DCP1A: variants seen among roughly 807,000 people sequenced by gnomAD.
DCP1A encodes the protein mRNA-decapping enzyme 1A.
In DCP1A, 20 loss-of-function variants were observed where a neutral mutation model predicts 58.0. The ratio of observed to expected loss-of-function variants is 0.34; its 90% confidence interval spans 0.24 to 0.50. DCP1A has a LOEUF of 0.50. Among genes scored for constraint, DCP1A ranks in the 20% least tolerant of loss-of-function variants. The pLI is 0.98. For missense variants in DCP1A, 613 were observed against 712.2 expected (o/e 0.86, Z 1.59); for synonymous variants, 285 against 275.1 (o/e 1.04, Z -0.36).
Position 53,334,133 on chromosome 3 carries a change from G to A in DCP1A, c.304+8011C>T, listed in dbSNP as rs147454926. 1.8e-4 allele frequency among the ~76,000 whole-genome samples: 27 copies of A among 152,108 alleles called. No homozygotes were observed. The East Asian group carries it at 2.1e-3, about 12-fold the overall frequency. On this transcript the variant is annotated intron_variant, in intron 3 of 9. Transcript: ENST00000610213. The stretch of plus-strand genomic sequence containing the variant: ...AAACGTATTAGCTGGGAGTGGTGGC[G>A]TGCACTTGTGGTCCCAGCTACTTGG...
chr3:53,341,703 GTTTA>G (rs1419868004), intron 3 of DCP1A, among the ~76,000 whole-genome samples: 5 of 152,122 alleles, frequency 3.3e-5, no homozygotes, highest in Non-Finnish European at 5.9e-5. Context: ...TCAGAGCCCA[GTTTA>G]TTTATTTATT....
chr3:53,302,670 T>C (rs1553687530), intron 6 of DCP1A, among the ~76,000 whole-genome samples: 2 of 152,228 alleles, frequency 1.3e-5, no homozygotes, highest in African/African-American at 4.8e-5. Context: ...TCGCCTAGGC[T>C]GGAGTGCAGT....
At chr3:53,334,257 C>G (rs918239983) in intron 3 of DCP1A, among the ~76,000 whole-genome samples, 2 of 151,858 alleles carry the variant, frequency 1.3e-5, no homozygotes, top group African/African-American at 4.8e-5. Flanking sequence ...CACAGCGAGA[C>G]CTGTCTCTAA....
chr3:53,341,776 C>T (rs782311617), intron 3 of DCP1A, among the ~76,000 whole-genome samples: 11 of 152,112 alleles, frequency 7.2e-5, no homozygotes, highest in Admixed American at 1.3e-4. Flanking sequence ...GCGATCTCAG[C>T]TCACTGCAAC....
At chr3:53,293,745 T>C (rs1389873941) in intron 6 of DCP1A, among the ~76,000 whole-genome samples, 1 of 152,224 alleles carries the variant, frequency 6.6e-6, no homozygotes, top group Non-Finnish European at 1.5e-5. Flanking sequence ...CAAATTAGTA[T>C]AATATCAATA....
At chr3:53,307,642 T>C (rs1262778518) in intron 5 of DCP1A, among the ~76,000 whole-genome samples, 1 of 152,232 alleles carries the variant, frequency 6.6e-6, no homozygotes, top group Admixed American at 6.5e-5. Flanking sequence ...TGTTTGTTAA[T>C]AACAGCATCC....
Position 53,292,452 on chromosome 3 carries a change from T to C in DCP1A, c.1000A>G (p.Ser334Gly). ...AEAPTAQVPP[S>G]LPRNSTMMQA... is the part of the protein sequence containing the mutation. Reference sequence around the variant, plus strand: ...ATCATGGTGCTGTTTCGAGGTAAGCTGGGGGGAACCTGTGCAGTAGGAGCT... The same window carrying C: ...ATCATGGTGCTGTTTCGAGGTAAGCCGGGGGGAACCTGTGCAGTAGGAGCT... Residue 334 changes from serine to glycine, a missense_variant, in exon 7 of 10, where the codon AGC (serine) becomes GGC (glycine). Physicochemically the swap from Ser to Gly is moderately conservative, Grantham distance 56 (BLOSUM62 0). Around this residue, in one of 3 missense-constraint regions of DCP1A, gnomAD observed 498 missense variants for 556.7 expected, o/e 0.89. Coordinates refer to ENST00000610213, the MANE Select transcript of DCP1A (RefSeq NM_018403.7). The C allele has an allele frequency of 6.2e-7, 1 of 1,613,888 alleles. No homozygotes were observed. The highest frequency in any genetic ancestry group is 8.5e-7 in the Non-Finnish European group (1 of 1,179,856).
chr3:53,345,027 T>C, intron 1 of DCP1A, 85 bp from the exon 2 acceptor site: 2 of 1,012,452 alleles, frequency 2.0e-6, no homozygotes, highest in Non-Finnish European at 3.0e-6. Flanking sequence ...GCTTCACGTT[T>C]AAGATCAACT....
rs141462544 is a variant in DCP1A at position 53,325,379 on chromosome 3, G to A, written c.305-5906C>T. Among the ~76,000 whole-genome samples the A allele has an allele frequency of 9.4e-3, 1,424 of 152,254 alleles. 17 individuals carry two copies. Among genetic ancestry groups the A allele is most frequent in the Non-Finnish European group, 0.013 (861 of 68,026 alleles). On this transcript the variant is annotated intron_variant, in intron 3 of 9. Transcript: ENST00000610213. ...CTTTCTAGAAGGATCTGAGGAGGCT[G>A]GAGATTTTCTCAGTATGGTGCCAAG... is the stretch of plus-strand genomic sequence containing the variant.
intron 7 of DCP1A, 32 bp downstream of exon 7, chr3:53,292,037 C>A (rs781936832): frequency 6.4e-7 from 1 of 1,573,612 alleles, no homozygotes; most frequent in South Asian, 1.2e-5. Flanking sequence ...TACAGTTACC[C>A]ACTCTGCCCA....
intron 4 of DCP1A, among the ~76,000 whole-genome samples, chr3:53,316,321 CAG>C (rs1707811445): frequency 6.6e-6 from 1 of 152,158 alleles, no homozygotes; most frequent in African/African-American, 2.4e-5. Flanking sequence ...TTTTGGTGAC[CAG>C]AGAGGCATTT....
At chr3:53,290,998 A>G in intron 7 of DCP1A, 142 bp from the exon 8 acceptor site, 1 of 742,942 alleles carries the variant, frequency 1.3e-6, no homozygotes, top group East Asian at 2.7e-5. Flanking sequence ...TAGTTCCTAG[A>G]TTCCCAAGGG....
At chr3:53,300,649 TTTG>T (rs1707284028) in intron 6 of DCP1A, among the ~76,000 whole-genome samples, 1 of 152,044 alleles carries the variant, frequency 6.6e-6, no homozygotes, top group Non-Finnish European at 1.5e-5. Flanking sequence ...GATTCTTTTT[TTTG>T]TTGTTGGATT....
Position 53,292,421 on chromosome 3 carries a change from G to A in DCP1A, c.1031C>T (p.Ala344Val), listed in dbSNP as rs1260029500. ...CCTCTGTCTAGGCGTGGTCTTCACT[G>A]CCTGCATCATGGTGCTGTTTCGAGG... ...SLPRNSTMMQ[A>V]VKTTPRQRSP... The change falls in exon 7 of 10, where the codon GCA becomes GTA. Residue 344 changes from alanine (A) to valine (V), a missense_variant. Physicochemically the swap from Ala to Val is moderately conservative, Grantham distance 64. Coordinates refer to ENST00000610213, the MANE Select transcript of DCP1A (RefSeq NM_018403.7). 1 of 1,613,858 alleles carries A rather than the reference G, an allele frequency of 6.2e-7. No individual in the cohort carries two copies. The highest frequency in any genetic ancestry group is 8.5e-7 in the Non-Finnish European group (1 of 1,179,886).
At chr3:53,317,709 A>G (rs535724865) in intron 4 of DCP1A, among the ~76,000 whole-genome samples, 2 of 152,232 alleles carry the variant, frequency 1.3e-5, no homozygotes, top group African/African-American at 4.8e-5. Flanking sequence ...AAATTAAAAA[A>G]TGAAAAATAG....
rs549402184 is a variant in DCP1A, at chr3:53,346,149, G to A, written c.136-1207C>T. ...ATCCATATTTCAAAATTTATATATA[G>A]GCCAAGAAAAGAAAAAAGATTCATA... On this transcript the variant is annotated intron_variant, in intron 1 of 9. Transcript: ENST00000610213. Among the ~76,000 whole-genome samples the A allele has an allele frequency of 1.7e-4, 26 of 152,098 alleles. No homozygotes were observed. The South Asian group carries it at 5.4e-3, about 32-fold the overall frequency.
chr3:53,321,516 T>C (rs1707964955), intron 3 of DCP1A, among the ~76,000 whole-genome samples: 1 of 152,186 alleles, frequency 6.6e-6, no homozygotes, highest in South Asian at 2.1e-4. Context: ...GGTCAGGAGT[T>C]TGAGACCAGC....
At chr3:53,299,644 A>T (rs1261098049) in intron 6 of DCP1A, among the ~76,000 whole-genome samples, 2 of 152,220 alleles carry the variant, frequency 1.3e-5, no homozygotes, top group Non-Finnish European at 2.9e-5. Context: ...TCCCAAGAAA[A>T]GTTTAAACAA....
rs963362357 is a variant in DCP1A at position 53,290,852 on chromosome 3, A to G, written c.1388T>C (p.Met463Thr). The G allele has an allele frequency of 1.2e-6, 2 of 1,611,142 alleles. No individual in the cohort carries two copies. The highest frequency in any genetic ancestry group is 1.7e-6 in the Non-Finnish European group (2 of 1,178,522). Residue 463 changes from methionine to threonine, a missense_variant, in exon 8 of 10, where the codon ATG becomes ACG. This residue lies in a region of DCP1A where 498 missense variants were observed against 556.7 expected (regional missense o/e 0.89). Transcript: ENST00000610213. ...TACTTCAGGATCCTGGTTCTGCTGC[A>G]TAGACTGAAATGTTTATGAAGAAAA... The part of the protein sequence containing the change: ...SNMVLAPLQS[M>T]QQNQDPEVFV...
Sources: allele counts gnomAD v4.1 joint callset (sites outside exome capture counted in the v4.1 genomes callset), GRCh38; gene constraint gnomAD v4.1.1; regional missense constraint gnomAD v4.1.1; transcripts MANE v1.5; gene names NCBI Gene and HGNC (gene_info 2026-07-23, HGNC 2026-07-21).